ACER3: variants seen among roughly 807,000 people sequenced by gnomAD.
The protein encoded by ACER3 is alkaline ceramidase 3.
In ACER3, 16 loss-of-function variants were observed where a neutral mutation model predicts 48.9. The observed-to-expected ratio is 0.33, with a 90% CI of 0.22 to 0.50. The LOEUF is 0.50. Ranked by LOEUF, ACER3 falls within the 20% of genes least tolerant of loss-of-function variation. The probability of loss-of-function intolerance (pLI) is 0.98; values close to 1 mark genes in which losing one functional copy is unlikely to be tolerated. For missense variants in ACER3, 227 were observed against 326.0 expected, an observed-to-expected ratio of 0.70 and a Z score of 2.34; for synonymous variants, 109 against 107.8, an observed-to-expected ratio of 1.01 and a Z score of -0.07.
intron 1 of ACER3, among the ~76,000 whole-genome samples, chr11:76,873,909 T>C (rs966258090): frequency 6.6e-6 from 1 of 152,204 alleles, no homozygotes; most frequent in African/African-American, 2.4e-5. Context: ...TGTTTCAGGT[T>C]AAGATTTTAA....
At chr11:76,952,389 AGCTGGGACCACAGGC>A (rs1263840397) in intron 2 of ACER3, among the ~76,000 whole-genome samples, 1 of 150,252 alleles carries the variant, frequency 6.7e-6, no homozygotes, top group African/African-American at 2.5e-5. Context: ...CCTCCCAAGT[AGCTGGGACCACAGGC>A]GCCCGCCACG....
intron 1 of ACER3, among the ~76,000 whole-genome samples, chr11:76,920,671 C>A (rs7924330): frequency 0.11 from 15,954 of 145,850 alleles, 2,861 homozygotes; most frequent in African/African-American, 0.38. Context: ...GAGTCTTGCT[C>A]TGTCACCCAG....
intron 2 of ACER3, among the ~76,000 whole-genome samples, chr11:76,940,849 A>G (rs1565190044): frequency 6.6e-6 from 1 of 152,192 alleles, no homozygotes; most frequent in Non-Finnish European, 1.5e-5. Flanking sequence ...AATACCTGGT[A>G]CAAACTAAAC....
At chr11:76,926,985 G>C (rs1272210312) in intron 2 of ACER3, among the ~76,000 whole-genome samples, 1 of 151,836 alleles carries the variant, frequency 6.6e-6, no homozygotes, top group Non-Finnish European at 1.5e-5. Context: ...CTTTTTTAAG[G>C]AAATTACTAC....
intron 2 of ACER3, among the ~76,000 whole-genome samples, chr11:76,928,344 G>A (rs1946893681): frequency 2.0e-5 from 3 of 152,018 alleles, no homozygotes; most frequent in Admixed American, 2.0e-4. Context: ...TGAGTTCTTT[G>A]TAGATTCTGG....
intron 5 of ACER3, 44 bp downstream of exon 5, chr11:76,985,768 C>G: frequency 8.6e-7 from 1 of 1,168,010 alleles, no homozygotes; most frequent in Non-Finnish European, 1.2e-6. Flanking sequence ...TGTAAATTCA[C>G]CATTTATGGA....
intron 9 of ACER3, among the ~76,000 whole-genome samples, chr11:77,017,406 G>A (rs1949392433): frequency 1.3e-5 from 2 of 152,062 alleles, no homozygotes; most frequent in Non-Finnish European, 2.9e-5. Flanking sequence ...AACCTACCAA[G>A]AGTGAGTTGT....
At chr11:76,955,804 C>T (rs1055120081) in intron 2 of ACER3, among the ~76,000 whole-genome samples, 1 of 152,046 alleles carries the variant, frequency 6.6e-6, no homozygotes, top group Non-Finnish European at 1.5e-5. Context: ...ATGTCCATCA[C>T]CTGATGAATG....
intron 1 of ACER3, among the ~76,000 whole-genome samples, chr11:76,904,337 A>G (rs1441201871): frequency 1.3e-5 from 2 of 151,874 alleles, no homozygotes; most frequent in South Asian, 2.1e-4. Context: ...GTCTACTTCA[A>G]CTCTTTAGGA....
chr11:76,883,760 A>T (rs1300426251), intron 1 of ACER3, among the ~76,000 whole-genome samples: 1 of 151,942 alleles, frequency 6.6e-6, no homozygotes, highest in Non-Finnish European at 1.5e-5. Context: ...TTGCTTTTTA[A>T]CTTGTTTAGC....
At chr11:76,913,378 T>C (rs1336516171) in intron 1 of ACER3, among the ~76,000 whole-genome samples, 1 of 152,214 alleles carries the variant, frequency 6.6e-6, no homozygotes, top group Non-Finnish European at 1.5e-5. Flanking sequence ...TCCTGCCTGA[T>C]TGCCCTGGCC....
chr11:76,997,350 A>G (rs1397710247), intron 6 of ACER3, among the ~76,000 whole-genome samples: 1 of 152,148 alleles, frequency 6.6e-6, no homozygotes, highest in Non-Finnish European at 1.5e-5. Context: ...TTATAATACT[A>G]TATTATAATT....
At chr11:76,994,223 C>T (rs1382590962) in intron 6 of ACER3, 2 of 453,784 alleles carry the variant, frequency 4.4e-6, no homozygotes, top group Non-Finnish European at 8.8e-6. Context: ...CCTCCACCTC[C>T]CAGGTTCGTT....
intron 1 of ACER3, among the ~76,000 whole-genome samples, chr11:76,865,445 C>T (rs1383257224): frequency 2.0e-5 from 3 of 152,064 alleles, no homozygotes; most frequent in East Asian, 1.9e-4. Context: ...ATCCTTTTCA[C>T]CACAACTACT....
intron 2 of ACER3, among the ~76,000 whole-genome samples, chr11:76,928,816 C>T (rs911365957): frequency 6.6e-6 from 1 of 152,112 alleles, no homozygotes; most frequent in African/African-American, 2.4e-5. Context: ...TTCCATTGGT[C>T]TATATCTCTG....
chr11:76,979,956 T>C (rs893752742), intron 4 of ACER3, among the ~76,000 whole-genome samples: 1 of 151,770 alleles, frequency 6.6e-6, no homozygotes, highest in Non-Finnish European at 1.5e-5. Context: ...CTGGGCAACA[T>C]AGGGAGACCT....
At chr11:76,872,534 G>A (rs1945267791) in intron 1 of ACER3, among the ~76,000 whole-genome samples, 1 of 152,204 alleles carries the variant, frequency 6.6e-6, no homozygotes, top group Non-Finnish European at 1.5e-5. Flanking sequence ...AAGACCTTAA[G>A]AAGTGGTCTG....
intron 6 of ACER3, chr11:76,994,061 C>G (rs1017762893): frequency 4.8e-6 from 2 of 420,738 alleles, no homozygotes; most frequent in African/African-American, 4.2e-5. Flanking sequence ...TTTACAGAAT[C>G]AGTGACTGCA....
At chr11:76,908,831 G>A (rs1946299384) in intron 1 of ACER3, among the ~76,000 whole-genome samples, 1 of 152,048 alleles carries the variant, frequency 6.6e-6, no homozygotes, top group Non-Finnish European at 1.5e-5. Context: ...TAAGCAAAAA[G>A]AACAAAGCTG....
Sources: allele counts gnomAD v4.1 joint callset (sites outside exome capture counted in the v4.1 genomes callset), GRCh38; gene constraint gnomAD v4.1.1; transcripts MANE v1.5; gene names NCBI Gene and HGNC (gene_info 2026-07-23, HGNC 2026-07-21).